FBXO11: variants seen among roughly 807,000 people sequenced by gnomAD.
FBXO11 encodes F-box protein 11.
Under a neutral mutation model 117.0 loss-of-function variants are expected in FBXO11, and 13 were observed. That is an observed-to-expected ratio of 0.11 (90% CI 0.07 to 0.18). FBXO11 has a LOEUF of 0.18. FBXO11 is among the 10% of genes least tolerant of loss of function. FBXO11 has a pLI of 1.00. For missense variants in FBXO11, 767 were observed against 1,164.4 expected (o/e 0.66, Z 4.97); for synonymous variants, 490 against 380.5 (o/e 1.29, Z -3.35).
intron 1 of FBXO11, among the ~76,000 whole-genome samples, chr2:47,882,459 T>C (rs1470371405): frequency 6.6e-6 from 1 of 152,258 alleles, no homozygotes; most frequent in African/African-American, 2.4e-5. Context: ...ATTGTGTTTT[T>C]AACCACTTGT....
At chr2:47,905,308 C>T in intron 1 of FBXO11, 181 bp downstream of exon 1, 3 of 528,408 alleles carry the variant, frequency 5.7e-6, no homozygotes, top group Admixed American at 5.1e-5. Flanking sequence ...GCGGCTTTTC[C>T]TGCCGGCCGG....
intron 1 of FBXO11, chr2:47,883,462 T>A: frequency 2.5e-6 from 1 of 403,808 alleles, no homozygotes; most frequent in Non-Finnish European, 5.0e-6. Context: ...AAAATGCAGA[T>A]TTTTGTAAAA....
intron 1 of FBXO11, among the ~76,000 whole-genome samples, chr2:47,897,179 C>G (rs1350940369): frequency 1.3e-5 from 2 of 152,152 alleles, no homozygotes; most frequent in Non-Finnish European, 2.9e-5. Flanking sequence ...GTGTTAGAAT[C>G]TCATAAAGCC....
intron 7 of FBXO11, 34 bp from the exon 8 acceptor site, chr2:47,833,104 T>C (rs1672306480): frequency 3.5e-6 from 5 of 1,442,574 alleles, no homozygotes; most frequent in South Asian, 1.1e-5. Context: ...ATATTACCTT[T>C]ATTCGATTTC....
chr2:47,828,934 CAG>C (rs1341540971), intron 11 of FBXO11, among the ~76,000 whole-genome samples: 2 of 152,066 alleles, frequency 1.3e-5, no homozygotes, highest in South Asian at 2.1e-4. Context: ...ATTTTTTTGA[CAG>C]AGTCTCACTC....
chr2:47,896,010 T>G (rs1163234765), intron 1 of FBXO11, among the ~76,000 whole-genome samples: 1 of 152,232 alleles, frequency 6.6e-6, no homozygotes, highest in Non-Finnish European at 1.5e-5. Context: ...TATATAGTTT[T>G]AAATGTATAT....
chr2:47,828,312 G>A (rs1671916744), intron 11 of FBXO11, among the ~76,000 whole-genome samples: 1 of 152,114 alleles, frequency 6.6e-6, no homozygotes. Flanking sequence ...AACCACAAAA[G>A]TTCCAACATG....
At chr2:47,863,164 T>C (rs1054798403) in intron 1 of FBXO11, among the ~76,000 whole-genome samples, 2 of 151,450 alleles carry the variant, frequency 1.3e-5, no homozygotes, top group African/African-American at 2.4e-5. Flanking sequence ...TCTATTTCAA[T>C]ATAGAAAATA....
intron 13 of FBXO11, 89 bp downstream of exon 13, chr2:47,822,129 T>A: frequency 1.2e-6 from 1 of 866,172 alleles, no homozygotes. Flanking sequence ...GTGCTTCCAC[T>A]TGGGTAGTTT....
At chr2:47,833,589 T>C (rs949532583) in intron 7 of FBXO11, among the ~76,000 whole-genome samples, 8 of 152,206 alleles carry the variant, frequency 5.3e-5, no homozygotes, top group African/African-American at 1.9e-4. Flanking sequence ...ATGTTCTATG[T>C]ACTGTATCCT....
chr2:47,872,796 C>T (rs1675721385), intron 1 of FBXO11, among the ~76,000 whole-genome samples: 1 of 152,090 alleles, frequency 6.6e-6, no homozygotes, highest in Admixed American at 6.6e-5. Context: ...CCATTAGATT[C>T]ACAAATATGT....
intron 5 of FBXO11, 135 bp from the exon 6 acceptor site, chr2:47,835,006 G>T: frequency 1.5e-6 from 1 of 678,354 alleles, no homozygotes; most frequent in Non-Finnish European, 2.5e-6. Context: ...TTTTCTGTCA[G>T]AGTACAATGT....
intron 1 of FBXO11, among the ~76,000 whole-genome samples, chr2:47,877,982 C>T (rs1350346276): frequency 6.6e-6 from 1 of 152,016 alleles, no homozygotes; most frequent in Middle Eastern, 3.2e-3. Context: ...CGTGCCTGGC[C>T]CAGAATGAGG....
intron 1 of FBXO11, among the ~76,000 whole-genome samples, chr2:47,843,365 G>C (rs572315531): frequency 6.6e-6 from 1 of 151,492 alleles, no homozygotes; most frequent in Admixed American, 6.6e-5. Context: ...GTTGAGGGTG[G>C]TGGTGGTTTA....
At chr2:47,899,633 T>A (rs1677948289) in intron 1 of FBXO11, among the ~76,000 whole-genome samples, 1 of 152,220 alleles carries the variant, frequency 6.6e-6, no homozygotes, top group Non-Finnish European at 1.5e-5. Flanking sequence ...GCTCTTTACA[T>A]CATACTGTCT....
chr2:47,819,291 A>C (rs550409861), intron 14 of FBXO11, among the ~76,000 whole-genome samples: 1 of 152,274 alleles, frequency 6.6e-6, no homozygotes, highest in South Asian at 2.1e-4. Flanking sequence ...ATCTTGGCTC[A>C]CCACAACCTT....
At chr2:47,866,818 AG>A (rs1156370434) in intron 1 of FBXO11, among the ~76,000 whole-genome samples, 1 of 152,146 alleles carries the variant, frequency 6.6e-6, no homozygotes, top group Non-Finnish European at 1.5e-5. Context: ...TGTCACTTTG[AG>A]AAAAAATACC....
rs527953475 is a variant in FBXO11 at position 47,823,915 on chromosome 2, T to C, written c.1399-555A>G. Among the ~76,000 whole-genome samples, 7 of 152,090 alleles carry C rather than the reference T, an allele frequency of 4.6e-5. No individual in the cohort carries two copies. The East Asian group carries it at 1.2e-3, about 25-fold the overall frequency. On this transcript the variant is annotated intron_variant, in intron 11 of 22. Transcript: ENST00000403359. ...AGGCTGGAGTACAGGGGCACAATCA[T>C]AGCTCACGCAGCCTCAAACAATCCT...
At chr2:47,864,845 T>C (rs1415431855) in intron 1 of FBXO11, among the ~76,000 whole-genome samples, 2 of 152,030 alleles carry the variant, frequency 1.3e-5, no homozygotes, top group Non-Finnish European at 2.9e-5. Context: ...TGAATCAACA[T>C]GTATTATAAT....
Sources: allele counts gnomAD v4.1 joint callset (sites outside exome capture counted in the v4.1 genomes callset), GRCh38; gene constraint gnomAD v4.1.1; transcripts MANE v1.5; gene names NCBI Gene and HGNC (gene_info 2026-07-23, HGNC 2026-07-21).